CHN1: variants seen among roughly 807,000 people sequenced by gnomAD.
CHN1 encodes chimerin 1.
A neutral mutation model predicts 59.5 loss-of-function variants in CHN1; 37 were observed. The observed-to-expected ratio is 0.62, with a 90% CI of 0.48 to 0.82. The LOEUF (loss-of-function observed/expected upper bound fraction) is 0.82, where lower values mean the gene tolerates loss of function less well. Ranked by LOEUF, CHN1 falls within the 40% of genes least tolerant of loss-of-function variation. The pLI is 0.00. For missense variants in CHN1, 469 were observed against 571.0 expected (o/e 0.82, Z 1.82); for synonymous variants, 206 against 200.4 (o/e 1.03, Z -0.24).
chr2:174,955,184 CT>C lies in CHN1; in HGVS notation c.20-2983del, dbSNP rs1690158900. 2.9e-4 allele frequency among the ~76,000 whole-genome samples: 24 copies of C among 82,720 alleles called. 1 individual carries two copies. Among genetic ancestry groups the C allele is most frequent in the African/African-American group, 1.3e-3 (21 of 16,540 alleles). 54.3% of individuals were successfully genotyped at this position (82,720 alleles called of 152,430 possible). ...TCTATATATCTCTATATATCTATAT[CT>C]ATATATATATATATAATTGATATAT... is the stretch of plus-strand genomic sequence containing the variant. On this transcript the variant is annotated intron_variant, in intron 1 of 12. Coordinates refer to ENST00000409900, the MANE Select transcript of CHN1 (RefSeq NM_001822.7).
At chr2:174,916,130 C>G (rs939542816) in intron 4 of CHN1, among the ~76,000 whole-genome samples, 1 of 152,136 alleles carries the variant, frequency 6.6e-6, no homozygotes, top group Non-Finnish European at 1.5e-5. Context: ...TTTCAGCAAC[C>G]GGGGAAGACT....
At chr2:174,889,248 A>G (rs897543494) in intron 5 of CHN1, among the ~76,000 whole-genome samples, 3 of 151,760 alleles carry the variant, frequency 2.0e-5, no homozygotes, top group African/African-American at 7.3e-5. Flanking sequence ...GTATGAAACC[A>G]GTCCATAAAG....
At chr2:174,992,409 T>C (rs890912442) in intron 1 of CHN1, among the ~76,000 whole-genome samples, 4 of 151,982 alleles carry the variant, frequency 2.6e-5, no homozygotes, top group Admixed American at 6.6e-5. Context: ...AGCACTGACA[T>C]AGAGGGGATC....
intron 2 of CHN1, among the ~76,000 whole-genome samples, chr2:174,951,223 G>A (rs192917954): frequency 3.6e-4 from 55 of 152,280 alleles, no homozygotes; most frequent in Non-Finnish European, 5.9e-4. Context: ...TTGAGGGGAA[G>A]CATCTATGGC....
At chr2:174,912,648 G>A (rs1688735677) in intron 5 of CHN1, among the ~76,000 whole-genome samples, 1 of 152,168 alleles carries the variant, frequency 6.6e-6, no homozygotes, top group Non-Finnish European at 1.5e-5. Context: ...TGAACTGGGA[G>A]AATCACCAGT....
At chr2:174,921,271 C>G (rs1360145625) in intron 3 of CHN1, among the ~76,000 whole-genome samples, 2 of 152,192 alleles carry the variant, frequency 1.3e-5, no homozygotes, top group Non-Finnish European at 2.9e-5. Flanking sequence ...TATTTTGGTA[C>G]TGCCTAAGTT....
intron 7 of CHN1, chr2:174,846,496 C>G: frequency 7.0e-7 from 1 of 1,424,920 alleles, no homozygotes; most frequent in Middle Eastern, 1.8e-4. Context: ...CCTCTTATAT[C>G]CAAAGCTTTT....
At position 174,941,071 on chromosome 2, in the gene CHN1, A is replaced by G. The variant is rs150130386; in HGVS notation, c.114+3817T>C. On this transcript the variant is annotated intron_variant, in intron 3 of 12. Transcript: ENST00000409900. ...TACGGACTTACAAATTCTCTCTCAC[A>G]TAATGTGTTATAATCCATACCTACC... Among the ~76,000 whole-genome samples the G allele has an allele frequency of 6.6e-3, 999 of 152,274 alleles. 15 individuals are homozygous for G. Among genetic ancestry groups the G allele is most frequent in the African/African-American group, 0.023 (945 of 41,552 alleles).
At chr2:174,872,596 A>G (rs1687443470) in intron 6 of CHN1, among the ~76,000 whole-genome samples, 2 of 152,240 alleles carry the variant, frequency 1.3e-5, no homozygotes, top group African/African-American at 4.8e-5. Flanking sequence ...GGACAAAGGC[A>G]TACGTTTCCT....
intron 1 of CHN1, among the ~76,000 whole-genome samples, chr2:174,967,463 A>T (rs1690627456): frequency 6.6e-6 from 1 of 152,212 alleles, no homozygotes; most frequent in Non-Finnish European, 1.5e-5. Context: ...ACAAAATAAT[A>T]TGCTTGATGA....
chr2:174,836,907 T>A (rs1686102493), intron 7 of CHN1, among the ~76,000 whole-genome samples: 1 of 152,204 alleles, frequency 6.6e-6, no homozygotes, highest in African/African-American at 2.4e-5. Flanking sequence ...GCTGAAGACT[T>A]TGACAGTCAT....
Position 174,824,565 on chromosome 2 carries a change from G to A in CHN1, c.628-47C>T, listed in dbSNP as rs759326518. On this transcript the variant is annotated intron_variant, in intron 7 of 12. Coordinates refer to ENST00000409900, the MANE Select transcript of CHN1 (RefSeq NM_001822.7). ...AAAGTCAGGAAAGGGGAAACACACGGATGAGAAGACTGCTTCATATCAAAG... is the reference window on the plus strand; with the variant it reads ...AAAGTCAGGAAAGGGGAAACACACGAATGAGAAGACTGCTTCATATCAAAG... 24 of 1,218,652 alleles carry A rather than the reference G, an allele frequency of 2.0e-5. 2 individuals carry two copies. In the South Asian group the frequency reaches 2.6e-4, roughly 13 times the overall value. 75.5% of individuals were successfully genotyped at this position (1,218,652 alleles called of 1,614,324 possible).
chr2:174,907,816 A>G (rs1189552135), intron 5 of CHN1, among the ~76,000 whole-genome samples: 1 of 152,088 alleles, frequency 6.6e-6, no homozygotes, highest in Non-Finnish European at 1.5e-5. Context: ...GTAGTATGAT[A>G]CTATACATAC....
At chr2:174,927,168 C>T (rs1326774979) in intron 3 of CHN1, among the ~76,000 whole-genome samples, 2 of 152,124 alleles carry the variant, frequency 1.3e-5, no homozygotes, top group East Asian at 3.9e-4. Flanking sequence ...CTCCTGCCTC[C>T]CGAGCACGCA....
At chr2:174,847,717 A>C in intron 6 of CHN1, 32 of 1,102,462 alleles carry the variant, frequency 2.9e-5, no homozygotes, top group Non-Finnish European at 3.8e-5. Flanking sequence ...TCCTAAACTC[A>C]CTCTGTCTCT....
intron 5 of CHN1, among the ~76,000 whole-genome samples, chr2:174,904,264 A>G (rs904521566): frequency 6.6e-6 from 1 of 152,012 alleles, no homozygotes; most frequent in Non-Finnish European, 1.5e-5. Flanking sequence ...CCGTCTCAAA[A>G]AATAAATAAA....
At position 174,937,443 on chromosome 2, in the gene CHN1, G is replaced by A. The variant is rs185525514; in HGVS notation, c.114+7445C>T. Among the ~76,000 whole-genome samples the A allele has an allele frequency of 9.2e-5, 14 of 152,240 alleles. No homozygotes were observed. In the East Asian group the frequency reaches 1.3e-3, roughly 15 times the overall value. ...AGTAAGCATAATTCCGAAAGACAAAGTCACTGGATCCATTTTAAAAATTAC... is the reference window on the plus strand; with the variant it reads ...AGTAAGCATAATTCCGAAAGACAAAATCACTGGATCCATTTTAAAAATTAC... On this transcript the variant is annotated intron_variant, in intron 3 of 12. Coordinates refer to ENST00000409900, the MANE Select transcript of CHN1 (RefSeq NM_001822.7).
chr2:174,904,867 A>G (rs964926162), intron 5 of CHN1, among the ~76,000 whole-genome samples: 1 of 152,170 alleles, frequency 6.6e-6, no homozygotes, highest in African/African-American at 2.4e-5. Context: ...TACGGGTTAC[A>G]AGACAGCAAA....
chr2:174,809,186 T>C (rs1182792001), intron 10 of CHN1, 144 bp from the exon 11 acceptor site: 1 of 713,096 alleles, frequency 1.4e-6, no homozygotes, highest in Non-Finnish European at 2.2e-6. Flanking sequence ...CTACGTTACA[T>C]ATTAATGATT....
Sources: allele counts gnomAD v4.1 joint callset (sites outside exome capture counted in the v4.1 genomes callset), GRCh38; gene constraint gnomAD v4.1.1; transcripts MANE v1.5; gene names NCBI Gene and HGNC (gene_info 2026-07-23, HGNC 2026-07-21).